The following PRXL2A variants were observed in gnomAD, a reference collection of about 807,000 sequenced individuals.
PRXL2A encodes peroxiredoxin-like 2A.
Under a neutral mutation model 25.6 loss-of-function variants are expected in PRXL2A, and 26 were observed. That is an observed-to-expected ratio of 1.02 (90% confidence interval 0.74 to 1.41). The LOEUF is 1.41. Ranked by LOEUF, PRXL2A falls within the 40% of genes most tolerant of loss-of-function variation. The probability of loss-of-function intolerance (pLI) is 0.00; values close to 1 mark genes in which losing one functional copy is unlikely to be tolerated. For synonymous variants in PRXL2A, 98 were observed against 102.9 expected (o/e 0.95, Z 0.29); for missense variants, 246 against 273.9 (o/e 0.90, Z 0.72).
intron 5 of PRXL2A, among the ~76,000 whole-genome samples, chr10:80,431,297 T>A (rs1325821636): frequency 6.6e-6 from 1 of 151,968 alleles, no homozygotes; most frequent in East Asian, 1.9e-4. Flanking sequence ...GGGCCTTTTT[T>A]TTTTTTTTAA....
At position 80,436,345 on chromosome 10, in the gene PRXL2A, G is replaced by C. The variant is rs138987153; in HGVS notation, c.*4246G>C. The C allele has an allele frequency of 9.0e-4, 137 of 152,556 alleles. 1 individual carries two copies. Among genetic ancestry groups the C allele is most frequent in the African/African-American group, 3.0e-3 (124 of 41,506 alleles). The allele number at this position is 152,556 out of a possible 1,614,324, so 9.5% of individuals were successfully genotyped here. ...TTGCACAGGCTGGTCTCGAACTCCT[G>C]GGCTCAAGCAGTCATCCTGCCTCAG... is the stretch of plus-strand genomic sequence containing the variant. On this transcript the variant is annotated 3_prime_UTR_variant, in exon 6 of 6. Transcript: ENST00000606162.
rs144856943 is a variant in PRXL2A, at chr10:80,430,961, C to G, written c.577-1025C>G. Among the ~76,000 whole-genome samples the G allele has an allele frequency of 7.8e-3, 1,191 of 152,292 alleles. 18 individuals carry two copies. Among genetic ancestry groups the G allele is most frequent in the African/African-American group, 0.027 (1,131 of 41,538 alleles). ...CTGGAGTGCAGTGGCGCGATCTCGG[C>G]TCACTGCAACCTCCGCCTCCCAGCC... On this transcript the variant is annotated intron_variant, in intron 5 of 5. Coordinates refer to ENST00000606162, the MANE Select transcript of PRXL2A (RefSeq NM_032333.5).
At chr10:80,429,420 G>A (rs1419082640) in intron 5 of PRXL2A, among the ~76,000 whole-genome samples, 1 of 152,124 alleles carries the variant, frequency 6.6e-6, no homozygotes, top group East Asian at 1.9e-4. Context: ...ATATACAGCA[G>A]TTGGCCTAGA....
At chr10:80,420,057 C>G in intron 1 of PRXL2A, 5 of 986,358 alleles carry the variant, frequency 5.1e-6, no homozygotes, top group Non-Finnish European at 6.0e-6. Context: ...TCCTGAGCCA[C>G]CTGGATTGTG....
At chr10:80,411,961 C>T (rs1448605491) in intron 1 of PRXL2A, among the ~76,000 whole-genome samples, 1 of 152,162 alleles carries the variant, frequency 6.6e-6, no homozygotes, top group East Asian at 1.9e-4. Flanking sequence ...AGTGCTGATA[C>T]TTTGTTTCAT....
chr10:80,411,374 T>A (rs1390855595), intron 1 of PRXL2A, among the ~76,000 whole-genome samples: 1 of 152,228 alleles, frequency 6.6e-6, no homozygotes, highest in Non-Finnish European at 1.5e-5. Context: ...TTACGGGCAG[T>A]CTTGCTCTTA....
rs1326117218 is a variant in PRXL2A at position 80,435,487 on chromosome 10, T to C, written c.*3388T>C. The C allele has an allele frequency of 1.3e-5, 2 of 152,052 alleles. No homozygotes were observed. The highest frequency in any genetic ancestry group is 2.9e-5 in the Non-Finnish European group (2 of 68,010). 9.4% of individuals were successfully genotyped at this position (152,052 alleles called of 1,614,324 possible). A position where few individuals can be genotyped will look rare whatever the true frequency, so the allele number is the denominator to read the frequency against. The stretch of plus-strand genomic sequence containing the variant: ...GTGGGCCTGAGTTTCTGCTTTTTTT[T>C]TTTCTTTATGTACAGGGTCTTGCTC... On this transcript the variant is annotated 3_prime_UTR_variant, in exon 6 of 6. Coordinates refer to ENST00000606162, the MANE Select transcript of PRXL2A (RefSeq NM_032333.5).
intron 3 of PRXL2A, among the ~76,000 whole-genome samples, chr10:80,422,846 T>C (rs74343237): frequency 1.1e-4 from 17 of 152,102 alleles, no homozygotes; most frequent in African/African-American, 3.9e-4. Flanking sequence ...AGCACAGATA[T>C]ATGATGTGCC....
chr10:80,422,711 A>C (rs1844914731), intron 3 of PRXL2A, among the ~76,000 whole-genome samples: 1 of 150,976 alleles, frequency 6.6e-6, no homozygotes, highest in Non-Finnish European at 1.5e-5. Flanking sequence ...TGGGGTTAGC[A>C]ACACATCTCA....
intron 1 of PRXL2A, among the ~76,000 whole-genome samples, chr10:80,411,079 A>C (rs1564687031): frequency 1.3e-5 from 2 of 152,174 alleles, no homozygotes; most frequent in Admixed American, 6.5e-5. Context: ...CAGGTAGGTG[A>C]GAGCTCATTG....
Position 80,429,539 on chromosome 10 carries a change from T to C in PRXL2A, c.576+2043T>C, listed in dbSNP as rs1191270760. 4.2e-3 allele frequency among the ~76,000 whole-genome samples: 312 copies of C among 74,422 alleles called. 2 individuals are homozygous for C. The highest frequency in any genetic ancestry group is 0.014 in the African/African-American group (268 of 18,882). The allele number at this position is 74,422 out of a possible 152,430, so 48.8% of individuals were successfully genotyped here. On this transcript the variant is annotated intron_variant, in intron 5 of 5. Transcript: ENST00000606162. ...GACCCTTCCCGGCCCGGCCCTGCCC[T>C]GCCCCGCCCCGCCCCTAGCCTCTCC...
chr10:80,424,846 C>T (rs922239792), intron 3 of PRXL2A, among the ~76,000 whole-genome samples: 6 of 152,108 alleles, frequency 3.9e-5, no homozygotes, highest in African/African-American at 1.2e-4. Context: ...GGGCGAGTAG[C>T]GTGGGCGACA....
chr10:80,413,779 C>T (rs1403886167), intron 1 of PRXL2A: 4 of 1,024,856 alleles, frequency 3.9e-6, no homozygotes, highest in South Asian at 2.9e-5. Flanking sequence ...GACCTAGTCC[C>T]GCCTCCAGCC....
At chr10:80,412,500 T>C (rs1844508466) in intron 1 of PRXL2A, among the ~76,000 whole-genome samples, 1 of 152,186 alleles carries the variant, frequency 6.6e-6, no homozygotes, top group African/African-American at 2.4e-5. Flanking sequence ...GATGCAGGAA[T>C]GAAGACGACA....
At chr10:80,422,309 A>T (rs1174474026) in intron 2 of PRXL2A, 108 bp from the exon 3 acceptor site, 2 of 785,680 alleles carry the variant, frequency 2.5e-6, no homozygotes, top group South Asian at 3.3e-5. Flanking sequence ...CAGGTCCTCT[A>T]CTAGGCCGGG....
chr10:80,416,398 G>A (rs1844662231), intron 1 of PRXL2A, among the ~76,000 whole-genome samples: 1 of 152,158 alleles, frequency 6.6e-6, no homozygotes, highest in Non-Finnish European at 1.5e-5. Context: ...AATCTGACAG[G>A]TCCAAACCAG....
intron 1 of PRXL2A, among the ~76,000 whole-genome samples, chr10:80,415,536 T>G (rs780054121): frequency 4.1e-4 from 63 of 152,212 alleles, no homozygotes; most frequent in Non-Finnish European, 8.1e-4. Context: ...TCTGGGTGCT[T>G]CTGTGGCTAC....
At chr10:80,409,925 A>C (rs1445824672) in intron 1 of PRXL2A, among the ~76,000 whole-genome samples, 1 of 152,250 alleles carries the variant, frequency 6.6e-6, no homozygotes, top group East Asian at 1.9e-4. Flanking sequence ...TGCAAGAATT[A>C]AAGTTAGATA....
In PRXL2A at chr10:80,422,524, G is replaced by A; in HGVS notation, c.270+16G>A. ...CTGTCGAGAGGTGAGTGCAGATGAG[G>A]ATCTATTCAGAGAAAGGGATCCTGG... On this transcript the variant is annotated intron_variant, in intron 3 of 5. Coordinates refer to ENST00000606162, the MANE Select transcript of PRXL2A (RefSeq NM_032333.5). The A allele has an allele frequency of 1.9e-6, 3 of 1,605,440 alleles. No individual in the cohort carries two copies. Among genetic ancestry groups the A allele is most frequent in the Non-Finnish European group, 1.7e-6 (2 of 1,172,576 alleles).
Sources: allele counts gnomAD v4.1 joint callset (sites outside exome capture counted in the v4.1 genomes callset), GRCh38; gene constraint gnomAD v4.1.1; transcripts MANE v1.5; gene names NCBI Gene and HGNC (gene_info 2026-07-23, HGNC 2026-07-21).